The following MRTFA variants were observed in gnomAD, a reference collection of about 807,000 sequenced individuals.
The protein encoded by MRTFA is myocardin-related transcription factor A.
MRTFA carries 20 observed loss-of-function variants against 83.5 expected under a neutral mutation model. That is an observed-to-expected ratio of 0.24 (90% CI 0.17 to 0.35). The LOEUF (loss-of-function observed/expected upper bound fraction) is 0.35, where lower values mean the gene tolerates loss of function less well. MRTFA is among the 10% of genes least tolerant of loss of function. MRTFA has a pLI of 1.00. For missense variants in MRTFA, 1,200 were observed against 1,224.7 expected, an observed-to-expected ratio of 0.98 and a Z score of 0.30; for synonymous variants, 659 against 541.2, an observed-to-expected ratio of 1.22 and a Z score of -3.02.
intron 3 of MRTFA, among the ~76,000 whole-genome samples, chr22:40,476,089 A>G (rs2053990911): frequency 6.8e-6 from 1 of 146,688 alleles, no homozygotes; most frequent in Non-Finnish European, 1.5e-5. Flanking sequence ...GCTTGCAGTG[A>G]GCTGAGATCG....
At chr22:40,585,537 T>G (rs141492443) in intron 2 of MRTFA, among the ~76,000 whole-genome samples, 53 of 152,340 alleles carry the variant, frequency 3.5e-4, no homozygotes, top group African/African-American at 1.2e-3. Flanking sequence ...ACCACTGAAC[T>G]ATATACTTAA....
intron 3 of MRTFA, among the ~76,000 whole-genome samples, chr22:40,507,100 C>T (rs565018562): frequency 7.9e-5 from 12 of 152,242 alleles, no homozygotes; most frequent in African/African-American, 2.4e-4. Context: ...GTGGTTCAAA[C>T]GTGTAAAACC....
At chr22:40,592,286 T>A (rs1443337407) in intron 2 of MRTFA, among the ~76,000 whole-genome samples, 52 of 125,436 alleles carry the variant, frequency 4.1e-4, no homozygotes, top group East Asian at 5.1e-4. Flanking sequence ...AAAAAAAAAA[T>A]TATTTTTTTT....
chr22:40,463,377 A>C, intron 3 of MRTFA, 91 bp from the exon 4 acceptor site: 1 of 1,102,842 alleles, frequency 9.1e-7, no homozygotes. Flanking sequence ...AAAGTCTAAA[A>C]ACAGAAGGAT....
chr22:40,520,280 A>C (rs1312480211), intron 3 of MRTFA, among the ~76,000 whole-genome samples: 1 of 152,240 alleles, frequency 6.6e-6, no homozygotes, highest in Non-Finnish European at 1.5e-5. Context: ...TCATTGCCCC[A>C]AAAATAAACC....
chr22:40,514,162 G>A (rs1057336110), intron 3 of MRTFA, among the ~76,000 whole-genome samples: 1 of 151,576 alleles, frequency 6.6e-6, no homozygotes, highest in African/African-American at 2.4e-5. Flanking sequence ...GGGAGGCTGA[G>A]GCAAGAGAAT....
chr22:40,632,769 A>C (rs966009770), intron 1 of MRTFA, among the ~76,000 whole-genome samples: 2 of 152,140 alleles, frequency 1.3e-5, no homozygotes, highest in East Asian at 3.8e-4. Context: ...CTGAGTTTGA[A>C]TCACTCAGCC....
intron 4 of MRTFA, among the ~76,000 whole-genome samples, chr22:40,450,078 T>C (rs992991106): frequency 1.3e-5 from 2 of 152,204 alleles, no homozygotes; most frequent in Non-Finnish European, 2.9e-5. Flanking sequence ...GGGTTGACAC[T>C]AGCATTAGAT....
At chr22:40,582,162 A>G (rs950481386) in intron 2 of MRTFA, among the ~76,000 whole-genome samples, 3 of 152,208 alleles carry the variant, frequency 2.0e-5, no homozygotes, top group Admixed American at 1.3e-4. Flanking sequence ...AAATGGGATC[A>G]TACAGTATGT....
rs562549245 is a variant in MRTFA, at chr22:40,441,831, TAC to T, written c.308-6279_308-6278del. Among the ~76,000 whole-genome samples, 132 of 147,890 alleles carry T rather than the reference TAC, an allele frequency of 8.9e-4. 1 individual carries two copies. Among genetic ancestry groups the T allele is most frequent in the Admixed American group, 2.6e-3 (38 of 14,780 alleles). On this transcript the variant is annotated intron_variant, in intron 4 of 14. Coordinates refer to ENST00000355630, the MANE Select transcript of MRTFA (RefSeq NM_020831.6). The stretch of plus-strand genomic sequence containing the variant: ...ATGTATGTATGTGTATATATATATA[TAC>T]ACACACACACACACACACACACTTT...
At position 40,575,698 on chromosome 22, in the gene MRTFA, A is replaced by C. The variant is rs1602450998; in HGVS notation, c.-22+18976T>G. ...ACCATTATTTTAGTCAAAGCATCTG[A>C]TTTTACAAGCCAACACCACCACTTA... is the stretch of plus-strand genomic sequence containing the variant. On this transcript the variant is annotated intron_variant, in intron 2 of 14. Coordinates refer to ENST00000355630, the MANE Select transcript of MRTFA (RefSeq NM_020831.6). Among the ~76,000 whole-genome samples the C allele has an allele frequency of 2.6e-5, 4 of 152,290 alleles. No individual in the cohort carries two copies. In the Middle Eastern group the frequency reaches 0.014, roughly 518 times the overall value.
intron 4 of MRTFA, among the ~76,000 whole-genome samples, chr22:40,462,214 T>C (rs2053727399): frequency 6.6e-6 from 1 of 152,252 alleles, no homozygotes; most frequent in African/African-American, 2.4e-5. Context: ...AGGTGATCCC[T>C]GCTCTGAAAT....
intron 9 of MRTFA, among the ~76,000 whole-genome samples, chr22:40,422,861 A>T (rs2052870369): frequency 6.6e-6 from 1 of 152,180 alleles, no homozygotes; most frequent in Non-Finnish European, 1.5e-5. Context: ...GTGTGAGGAG[A>T]GAGCCTGGGG....
intron 1 of MRTFA, among the ~76,000 whole-genome samples, chr22:40,634,989 T>C (rs560596745): frequency 6.6e-5 from 10 of 151,998 alleles, no homozygotes; most frequent in Admixed American, 1.3e-4. Context: ...TTAATAGTTA[T>C]TGGCCAAAAA....
chr22:40,533,838 C>A (rs980634034), intron 3 of MRTFA: 1 of 382,528 alleles, frequency 2.6e-6, no homozygotes, highest in Admixed American at 4.5e-5. Flanking sequence ...GAATTACTGC[C>A]GACAGGAAAC....
chr22:40,618,421 G>A (rs2056481038), intron 1 of MRTFA, among the ~76,000 whole-genome samples: 1 of 151,814 alleles, frequency 6.6e-6, no homozygotes, highest in Admixed American at 6.6e-5. Context: ...TCTCTGATAA[G>A]GAGACATCTG....
At chr22:40,542,534 T>C (rs2055308103) in intron 3 of MRTFA, among the ~76,000 whole-genome samples, 1 of 152,342 alleles carries the variant, frequency 6.6e-6, no homozygotes, top group East Asian at 1.9e-4. Flanking sequence ...CAGTGCTAAG[T>C]GCTAAGATCT....
intron 1 of MRTFA, among the ~76,000 whole-genome samples, chr22:40,617,599 C>T (rs1474844593): frequency 7.9e-5 from 12 of 151,724 alleles, no homozygotes; most frequent in Non-Finnish European, 1.6e-4. Flanking sequence ...TGGTGGCGGG[C>T]GCCTGTAGTC....
intron 2 of MRTFA, among the ~76,000 whole-genome samples, chr22:40,584,127 G>A (rs1488753228): frequency 1.3e-5 from 2 of 152,170 alleles, no homozygotes; most frequent in Non-Finnish European, 2.9e-5. Flanking sequence ...CAGGATGGCA[G>A]AACAGAAAAA....
Sources: gnomAD v4.1 joint callset for allele counts (sites outside exome capture counted in the v4.1 genomes callset) on GRCh38, gnomAD v4.1.1 for gene constraint, MANE v1.5 for transcripts, NCBI Gene and HGNC (gene_info 2026-07-23, HGNC 2026-07-21) for gene names.